The following TRHDE variants were observed in gnomAD, a reference collection of about 807,000 sequenced individuals.
TRHDE encodes the protein thyrotropin-releasing hormone-degrading ectoenzyme.
Under a neutral mutation model 125.7 loss-of-function variants are expected in TRHDE, and 72 were observed. The observed-to-expected ratio is 0.57, with a 90% CI of 0.47 to 0.70. TRHDE has a LOEUF of 0.70. TRHDE is among the 30% of genes least tolerant of loss of function. The pLI is 0.00. For synonymous variants in TRHDE, 509 were observed against 509.1 expected (o/e 1.00, Z 0.00); for missense variants, 1,110 against 1,327.1 (o/e 0.84, Z 2.54).
chr12:72,553,511 TG>T (rs991517784), intron 7 of TRHDE, among the ~76,000 whole-genome samples: 5 of 152,114 alleles, frequency 3.3e-5, no homozygotes, highest in African/African-American at 1.2e-4. Flanking sequence ...GTCTCTTTTG[TG>T]CTGAGTCGAA....
intron 4 of TRHDE, among the ~76,000 whole-genome samples, chr12:72,472,527 T>A (rs1028874915): frequency 1.3e-5 from 2 of 152,178 alleles, no homozygotes; most frequent in African/African-American, 4.8e-5. Flanking sequence ...TCAGCAAATA[T>A]CTTCTCTGAA....
intron 2 of TRHDE, among the ~76,000 whole-genome samples, chr12:72,178,361 C>T (rs900739146): frequency 2.0e-5 from 3 of 152,018 alleles, no homozygotes; most frequent in African/African-American, 4.8e-5. Flanking sequence ...GATGTCAAGA[C>T]TAAAATTTAA....
At chr12:72,536,461 C>A (rs537943547) in intron 6 of TRHDE, among the ~76,000 whole-genome samples, 1 of 152,156 alleles carries the variant, frequency 6.6e-6, no homozygotes, top group South Asian at 2.1e-4. Flanking sequence ...AGCTCAATTG[C>A]AAAAACACAT....
chr12:72,373,622 A>G (rs1160356754), intron 2 of TRHDE, among the ~76,000 whole-genome samples: 2 of 152,224 alleles, frequency 1.3e-5, no homozygotes, highest in African/African-American at 4.8e-5. Context: ...ATAAAGCAAG[A>G]AAAGGAGATA....
chr12:72,324,709 A>G (rs1223646650), intron 2 of TRHDE, among the ~76,000 whole-genome samples: 1 of 152,144 alleles, frequency 6.6e-6, no homozygotes, highest in Non-Finnish European at 1.5e-5. Flanking sequence ...ATAAACGAAA[A>G]TTTATATTGA....
intron 2 of TRHDE, among the ~76,000 whole-genome samples, chr12:72,250,365 G>C (rs1362492198): frequency 3.9e-5 from 6 of 152,194 alleles, no homozygotes; most frequent in Non-Finnish European, 7.3e-5. Flanking sequence ...AGAAATGTCA[G>C]TTCTGGCTGA....
At chr12:72,315,215 A>G (rs1868740914) in intron 2 of TRHDE, among the ~76,000 whole-genome samples, 1 of 152,212 alleles carries the variant, frequency 6.6e-6, no homozygotes. Context: ...AACCCTTTGC[A>G]TAATTTAGGT....
intron 2 of TRHDE, among the ~76,000 whole-genome samples, chr12:72,368,305 T>G (rs949963307): frequency 1.1e-4 from 16 of 152,192 alleles, no homozygotes; most frequent in African/African-American, 3.4e-4. Flanking sequence ...GTCTCTAAAT[T>G]TATTTAGTAG....
chr12:72,381,103 G>T (rs1045591739), intron 3 of TRHDE, among the ~76,000 whole-genome samples: 2 of 152,052 alleles, frequency 1.3e-5, no homozygotes, highest in African/African-American at 2.4e-5. Context: ...TTACAACTTG[G>T]GGGGTGAGTA....
At chr12:72,312,684 CT>C (rs1453185351) in intron 2 of TRHDE, among the ~76,000 whole-genome samples, 1 of 152,096 alleles carries the variant, frequency 6.6e-6, no homozygotes, top group Admixed American at 6.6e-5. Flanking sequence ...CTATATTATT[CT>C]CTCAAACCTT....
intron 12 of TRHDE, among the ~76,000 whole-genome samples, chr12:72,615,272 C>G (rs893191925): frequency 6.6e-6 from 1 of 152,046 alleles, no homozygotes; most frequent in African/African-American, 2.4e-5. Context: ...TTTAAATTTG[C>G]TATTTTTAAT....
chr12:72,500,848 T>TG (rs1878120798), intron 6 of TRHDE, among the ~76,000 whole-genome samples: 1 of 101,370 alleles, frequency 9.9e-6, no homozygotes, highest in African/African-American at 3.6e-5. Flanking sequence ...CCAACTTTGT[T>TG]CTTTTTTTTT....
intron 2 of TRHDE, among the ~76,000 whole-genome samples, chr12:72,191,241 C>G (rs1877332949): frequency 6.6e-6 from 1 of 151,926 alleles, no homozygotes; most frequent in Non-Finnish European, 1.5e-5. Context: ...TGATTTGATT[C>G]TGGAACTGGG....
At position 72,093,673 on chromosome 12, in the gene TRHDE, GT is replaced by G. The variant is rs199936371; in HGVS notation, n.174+6239del. 7.3e-3 allele frequency among the ~76,000 whole-genome samples: 1,117 copies of G among 152,070 alleles called. 19 individuals are homozygous for G. The highest frequency in any genetic ancestry group is 0.025 in the African/African-American group (1,044 of 41,510). ...CAGCTCTAGAATTTCTGTTTGGTTT[GT>G]TTTTATGGTTTCTAGTTCTTTGTTA... On this transcript the variant is annotated intron_variant and non_coding_transcript_variant, in intron 1 of 4. Coordinates refer to the TRHDE transcript ENST00000548156.
At chr12:72,168,023 A>G (rs113201751) in intron 2 of TRHDE, among the ~76,000 whole-genome samples, 1 of 152,162 alleles carries the variant, frequency 6.6e-6, no homozygotes, top group Non-Finnish European at 1.5e-5. Context: ...CAGAGAGAGG[A>G]GTATGGCTAC....
chr12:72,429,762 G>A (rs992393869), intron 3 of TRHDE, among the ~76,000 whole-genome samples: 2 of 152,006 alleles, frequency 1.3e-5, no homozygotes, highest in Non-Finnish European at 2.9e-5. Context: ...ATTGGCATCC[G>A]ATGGCTAATG....
chr12:72,514,716 C>T (rs1256251955), intron 6 of TRHDE, among the ~76,000 whole-genome samples: 1 of 151,010 alleles, frequency 6.6e-6, no homozygotes, highest in African/African-American at 2.4e-5. Flanking sequence ...ATACATGTGC[C>T]ATGCTGGTGC....
intron 1 of TRHDE, among the ~76,000 whole-genome samples, 197 bp from the exon 2 acceptor site, chr12:72,286,484 C>T (rs927884038): frequency 6.6e-6 from 1 of 152,066 alleles, no homozygotes; most frequent in East Asian, 1.9e-4. Context: ...CAGAAACCTC[C>T]CTGAAAAACT....
intron 12 of TRHDE, among the ~76,000 whole-genome samples, chr12:72,594,236 G>T (rs1033023092): frequency 7.2e-5 from 11 of 151,984 alleles, no homozygotes; most frequent in African/African-American, 2.7e-4. Context: ...TCTCATTGTG[G>T]TTTTGATTTG....
Sources: gnomAD v4.1 joint callset for allele counts (sites outside exome capture counted in the v4.1 genomes callset) on GRCh38, gnomAD v4.1.1 for gene constraint, MANE v1.5 for transcripts, NCBI Gene and HGNC (gene_info 2026-07-23, HGNC 2026-07-21) for gene names.